The following PTPRD variants were observed in gnomAD, a reference collection of about 807,000 sequenced individuals.
PTPRD encodes protein tyrosine phosphatase receptor type D.
In PTPRD, 34 loss-of-function variants were observed where a neutral mutation model predicts 214.5. That is an observed-to-expected ratio of 0.16 (90% CI 0.12 to 0.21). The LOEUF (loss-of-function observed/expected upper bound fraction) is 0.21, where lower values mean the gene tolerates loss of function less well. PTPRD is among the 10% of genes least tolerant of loss of function. The pLI is 1.00. For missense variants in PTPRD, 2,545 were observed against 2,398.7 expected, an observed-to-expected ratio of 1.06 and a Z score of -1.27; for synonymous variants, 1,128 against 845.7, an observed-to-expected ratio of 1.33 and a Z score of -5.79.
At chr9:9,443,528 G>C (rs988704489) in intron 8 of PTPRD, among the ~76,000 whole-genome samples, 1 of 152,198 alleles carries the variant, frequency 6.6e-6, no homozygotes, top group Non-Finnish European at 1.5e-5. Flanking sequence ...GGCCAAGCCT[G>C]TGTGTGAGAA....
chr9:8,687,830 A>G (rs2097715444), intron 12 of PTPRD, among the ~76,000 whole-genome samples: 1 of 151,984 alleles, frequency 6.6e-6, no homozygotes. Context: ...CTTTACGTAC[A>G]TCAGTGTCTA....
rs193217894 is a variant in PTPRD at position 9,041,640 on chromosome 9, G to A, written c.-142-22905C>T. 4.5e-4 allele frequency among the ~76,000 whole-genome samples: 68 copies of A among 152,218 alleles called. 2 individuals carry two copies. In the East Asian group the frequency reaches 5.0e-3, roughly 11 times the overall value. ...AAACAGAACTATACCCTGAGGAGGCGTGAACTCAAATGAGTAAATACATTC... is the reference window on the plus strand; with the variant it reads ...AAACAGAACTATACCCTGAGGAGGCATGAACTCAAATGAGTAAATACATTC... On this transcript the variant is annotated intron_variant, in intron 10 of 45. Coordinates refer to ENST00000381196, the MANE Select transcript of PTPRD (RefSeq NM_002839.4).
chr9:8,815,461 T>C (rs1367883504), intron 11 of PTPRD, among the ~76,000 whole-genome samples: 1 of 152,244 alleles, frequency 6.6e-6, no homozygotes, highest in Admixed American at 6.5e-5. Flanking sequence ...GATGAAAGGA[T>C]TCATTTAGCA....
intron 11 of PTPRD, among the ~76,000 whole-genome samples, chr9:8,831,376 T>A (rs1050612857): frequency 6.6e-6 from 1 of 152,188 alleles, no homozygotes; most frequent in African/African-American, 2.4e-5. Flanking sequence ...TACACTTGGC[T>A]TGCTTCCATT....
chr9:10,419,544 C>A (rs2098526783), intron 2 of PTPRD, among the ~76,000 whole-genome samples: 1 of 151,736 alleles, frequency 6.6e-6, no homozygotes, highest in African/African-American at 2.4e-5. Context: ...TTATCATCAG[C>A]AAATAAATCA....
At chr9:9,376,063 G>C (rs2060702349) in intron 9 of PTPRD, among the ~76,000 whole-genome samples, 1 of 142,876 alleles carries the variant, frequency 7.0e-6, no homozygotes, top group Non-Finnish European at 1.5e-5. Flanking sequence ...AAGAAAATGA[G>C]AACTTGCTCA....
intron 3 of PTPRD, among the ~76,000 whole-genome samples, chr9:10,220,856 G>A (rs1278164921): frequency 2.6e-5 from 4 of 151,626 alleles, no homozygotes; most frequent in African/African-American, 9.7e-5. Flanking sequence ...CAATTTTGAA[G>A]TATGAGACTC....
At chr9:8,988,168 T>C (rs1336678617) in intron 11 of PTPRD, among the ~76,000 whole-genome samples, 2 of 151,890 alleles carry the variant, frequency 1.3e-5, no homozygotes, top group Non-Finnish European at 2.9e-5. Context: ...AAAATAAAAA[T>C]CAAAGATAGT....
At chr9:9,955,859 AATAACAAAG>A (rs1331329944) in intron 4 of PTPRD, among the ~76,000 whole-genome samples, 1 of 152,122 alleles carries the variant, frequency 6.6e-6, no homozygotes, top group Non-Finnish European at 1.5e-5. Context: ...ACTGCTTTCA[AATAACAAAG>A]ATTTTCCAAA....
intron 35 of PTPRD, among the ~76,000 whole-genome samples, chr9:8,421,253 C>G (rs904518281): frequency 6.6e-6 from 1 of 152,058 alleles, no homozygotes; most frequent in African/African-American, 2.4e-5. Flanking sequence ...AGAAAACCAA[C>G]CTCCTCCCTC....
chr9:9,989,940 G>A (rs545812863), intron 4 of PTPRD, among the ~76,000 whole-genome samples: 1 of 152,188 alleles, frequency 6.6e-6, no homozygotes, highest in Non-Finnish European at 1.5e-5. Flanking sequence ...GGCTGAGAAA[G>A]CAAGCCACCC....
At chr9:9,875,963 G>A (rs923871350) in intron 5 of PTPRD, among the ~76,000 whole-genome samples, 1 of 152,204 alleles carries the variant, frequency 6.6e-6, no homozygotes, top group South Asian at 2.1e-4. Context: ...GACTACTGCA[G>A]GATCATCTGG....
intron 14 of PTPRD, among the ~76,000 whole-genome samples, chr9:8,584,909 G>T (rs531247281): frequency 6.6e-6 from 1 of 152,304 alleles, no homozygotes; most frequent in Admixed American, 6.5e-5. Flanking sequence ...AATGAGCAAA[G>T]GGCGGGAAAA....
chr9:10,033,675 A>T (rs753435459), intron 4 of PTPRD, 43 bp downstream of exon 4: 1 of 152,128 alleles, frequency 6.6e-6, no homozygotes, highest in Non-Finnish European at 1.5e-5. Flanking sequence ...AGACTGTATT[A>T]AATTGAGCAT....
intron 11 of PTPRD, among the ~76,000 whole-genome samples, chr9:9,009,959 A>G (rs957401770): frequency 1.3e-5 from 2 of 152,150 alleles, no homozygotes; most frequent in South Asian, 4.1e-4. Flanking sequence ...TTTGCTCCGT[A>G]CAGTTCTCTT....
At chr9:8,552,341 C>T (rs1269740636) in intron 14 of PTPRD, among the ~76,000 whole-genome samples, 1 of 152,228 alleles carries the variant, frequency 6.6e-6, no homozygotes, top group Non-Finnish European at 1.5e-5. Context: ...GCAGGTTTCT[C>T]TTCTTGCTGT....
At chr9:9,270,092 T>C (rs999084219) in intron 9 of PTPRD, among the ~76,000 whole-genome samples, 1 of 151,144 alleles carries the variant, frequency 6.6e-6, no homozygotes, top group African/African-American at 2.4e-5. Context: ...TCTCACCATA[T>C]ACAAAAAGGT....
intron 2 of PTPRD, among the ~76,000 whole-genome samples, chr9:10,540,095 G>C (rs541829076): frequency 6.6e-6 from 1 of 152,040 alleles, no homozygotes; most frequent in Non-Finnish European, 1.5e-5. Flanking sequence ...CAGTGGCATG[G>C]TCTTGGCTCA....
intron 11 of PTPRD, among the ~76,000 whole-genome samples, chr9:8,828,849 G>A (rs10977313): frequency 6.6e-6 from 1 of 152,024 alleles, no homozygotes; most frequent in Non-Finnish European, 1.5e-5. Flanking sequence ...TGTAAACTCA[G>A]ACAATTCAAG....
Sources: allele counts gnomAD v4.1 joint callset (sites outside exome capture counted in the v4.1 genomes callset), GRCh38; gene constraint gnomAD v4.1.1; transcripts MANE v1.5; gene names NCBI Gene and HGNC (gene_info 2026-07-23, HGNC 2026-07-21).